The following SERINC2 variants were observed in gnomAD, a reference collection of about 807,000 sequenced individuals.
SERINC2 encodes the protein serine incorporator 2.
A neutral mutation model predicts 54.2 loss-of-function variants in SERINC2; 56 were observed. The ratio of observed to expected loss-of-function variants is 1.03; its 90% CI spans 0.83 to 1.29. The LOEUF (loss-of-function observed/expected upper bound fraction) is 1.29. Among genes scored for constraint, SERINC2 ranks in the 50% most tolerant of loss-of-function variants. SERINC2 has a pLI of 0.00. For missense variants in SERINC2, 614 were observed against 607.4 expected (o/e 1.01, Z -0.12); for synonymous variants, 272 against 253.1 (o/e 1.07, Z -0.71).
chr1:31,416,357 C>T (rs1640781744), intron 1 of SERINC2, among the ~76,000 whole-genome samples: 1 of 152,214 alleles, frequency 6.6e-6, no homozygotes, highest in Non-Finnish European at 1.5e-5. Context: ...CCCCTGTACT[C>T]TCCTACCCCA....
In SERINC2 at chr1:31,433,199, G is replaced by A. The variant is rs782549962; in HGVS notation, c.1232+14G>A. ...CAACTGGTACAAGTGCGTAGCTGGT[G>A]GGGCATGGACAGAGCCCGGAGGTGC... On this transcript the variant is annotated intron_variant, in intron 9 of 9. Coordinates refer to ENST00000373709, the MANE Select transcript of SERINC2 (RefSeq NM_178865.5). 10 of 1,610,726 alleles carry A rather than the reference G, an allele frequency of 6.2e-6. No individual in the cohort carries two copies. Among genetic ancestry groups the A allele is most frequent in the Admixed American group, 1.7e-5 (1 of 60,018 alleles).
chr1:31,432,195 A>AGG (rs1641312966), intron 8 of SERINC2, among the ~76,000 whole-genome samples: 32 of 25,150 alleles, frequency 1.3e-3, no homozygotes, highest in Non-Finnish European at 1.8e-3. Context: ...GGGTGGTTAG[A>AGG]GTGGAGAGAG....
upstream of SERINC2, among the ~76,000 whole-genome samples, chr1:31,410,748 G>C (rs1197917743): frequency 1.3e-5 from 2 of 152,238 alleles, no homozygotes; most frequent in Non-Finnish European, 1.5e-5. Context: ...GGATGGCATG[G>C]GGCATGGTCA....
chr1:31,432,239 T>C (rs578067689), intron 8 of SERINC2, among the ~76,000 whole-genome samples: 1 of 124,946 alleles, frequency 8.0e-6, no homozygotes, highest in African/African-American at 2.7e-5. Context: ...AGGGACCCAC[T>C]GACTCACAGC....
chr1:31,410,931 T>A (rs1317484413), upstream of SERINC2, among the ~76,000 whole-genome samples: 1 of 152,218 alleles, frequency 6.6e-6, no homozygotes, highest in Non-Finnish European at 1.5e-5. Context: ...CACTTGAGAC[T>A]GCTTGGTGGC....
intron 6 of SERINC2, 150 bp downstream of exon 6, chr1:31,426,973 C>T: frequency 1.5e-6 from 1 of 677,830 alleles, no homozygotes; most frequent in Non-Finnish European, 2.5e-6. Context: ...AGGTTATAGT[C>T]AGGCTCTCAC....
At chr1:31,417,416 G>A (rs782093387) in intron 1 of SERINC2, among the ~76,000 whole-genome samples, 3 of 152,090 alleles carry the variant, frequency 2.0e-5, no homozygotes, top group Non-Finnish European at 4.4e-5. Flanking sequence ...CCTTTCAGCT[G>A]CCCTGAAAAT....
chr1:31,432,938 AT>A, intron 8 of SERINC2, 28 bp from the exon 9 acceptor site: 1 of 1,559,636 alleles, frequency 6.4e-7, no homozygotes, highest in South Asian at 1.1e-5. Flanking sequence ...AGAGCTATCT[AT>A]TTGCCCACCT....
chr1:31,412,548 A>G (rs946932704), upstream of SERINC2, among the ~76,000 whole-genome samples: 2 of 152,128 alleles, frequency 1.3e-5, no homozygotes, highest in Non-Finnish European at 2.9e-5. Flanking sequence ...ATGCACCTGT[A>G]GTCCCAGCTA....
chr1:31,427,479 A>G (rs1641077347), intron 6 of SERINC2, among the ~76,000 whole-genome samples: 1 of 152,172 alleles, frequency 6.6e-6, no homozygotes, highest in Non-Finnish European at 1.5e-5. Context: ...CTCATATCCC[A>G]GTAAGAAAAG....
In SERINC2 at chr1:31,423,845, G is replaced by A. The variant is rs782186582; in HGVS notation, c.192G>A (p.Gln64=). 1.5e-5 allele frequency: 25 copies of A among 1,613,924 alleles called. No homozygotes were observed. The East Asian group carries it at 5.3e-4, about 35-fold the overall frequency. The change falls in exon 2 of 10, where the codon CAG becomes CAA. Residue 64 remains glutamine, a synonymous_variant. Transcript: ENST00000373709. Reference sequence around the variant, plus strand: ...TGCTGAGCCCGGGCGTGGAGAGTCAGCTCTACAAGGTGAGTGCCCCAGGGG... The same window carrying A: ...TGCTGAGCCCGGGCGTGGAGAGTCAACTCTACAAGGTGAGTGCCCCAGGGG... ...IIMLSPGVES[Q]LYKLPWVCEE...
At chr1:31,415,281 G>A (rs1285053033) in intron 1 of SERINC2, among the ~76,000 whole-genome samples, 1 of 152,172 alleles carries the variant, frequency 6.6e-6, no homozygotes, top group Non-Finnish European at 1.5e-5. Context: ...AGATAACTTA[G>A]TGAGTAATAT....
chr1:31,431,902 GA>G, intron 8 of SERINC2, among the ~76,000 whole-genome samples: 2 of 147,756 alleles, frequency 1.4e-5, no homozygotes, highest in East Asian at 2.0e-4. Flanking sequence ...GGATAGGGTG[GA>G]TAGGGTGGAT....
intron 4 of SERINC2, 103 bp downstream of exon 4, chr1:31,425,512 C>A: frequency 1.0e-6 from 1 of 982,182 alleles, no homozygotes; most frequent in East Asian, 2.4e-5. Flanking sequence ...CACACAGACC[C>A]CTGGCTGCTG....
At chr1:31,418,408 G>A (rs1640830886) in intron 1 of SERINC2, among the ~76,000 whole-genome samples, 1 of 151,930 alleles carries the variant, frequency 6.6e-6, no homozygotes. Context: ...ACGAACTCAT[G>A]CTCTGTCACC....
chr1:31,420,575 TTAAA>T (rs1640881557), intron 1 of SERINC2, among the ~76,000 whole-genome samples: 1 of 152,174 alleles, frequency 6.6e-6, no homozygotes, highest in African/African-American at 2.4e-5. Context: ...TGTATTTAAA[TTAAA>T]TAAGATGACC....
At chr1:31,429,305 T>C in intron 7 of SERINC2, 92 bp from the exon 8 acceptor site, 1 of 1,465,660 alleles carries the variant, frequency 6.8e-7, no homozygotes, top group Non-Finnish European at 9.3e-7. Flanking sequence ...TCTGTCTGTC[T>C]ATTAGGGGTG....
At chr1:31,432,060 G>A (rs1222306661) in intron 8 of SERINC2, among the ~76,000 whole-genome samples, 14 of 133,146 alleles carry the variant, frequency 1.1e-4, no homozygotes, top group Admixed American at 2.2e-4. Context: ...GGGTGGACAG[G>A]GTGGACAGGG....
Position 31,432,361 on chromosome 1 carries a change from T to TGG in SERINC2, c.1014-606_1014-605insGG, listed in dbSNP as rs1553134829. On this transcript the variant is annotated intron_variant, in intron 8 of 9. Coordinates refer to ENST00000373709, the MANE Select transcript of SERINC2 (RefSeq NM_178865.5). The stretch of plus-strand genomic sequence containing the variant: ...TCAAAAATTTTTATGTCTCAAACTA[T>TGG]CAAATTCTGTTAAAAACATCAAGGC... Among the ~76,000 whole-genome samples the TGG allele has an allele frequency of 6.5e-3, 995 of 152,176 alleles. 11 individuals are homozygous for TGG. The highest frequency in any genetic ancestry group is 0.022 in the African/African-American group (919 of 41,464).
Sources: allele counts gnomAD v4.1 joint callset (sites outside exome capture counted in the v4.1 genomes callset), GRCh38; gene constraint gnomAD v4.1.1; transcripts MANE v1.5; gene names NCBI Gene and HGNC (gene_info 2026-07-23, HGNC 2026-07-21).